SYN3: variants seen among roughly 807,000 people sequenced by gnomAD.
SYN3 encodes synapsin III, also known as synapsin-3.
SYN3 carries 35 observed loss-of-function variants against 65.8 expected under a neutral mutation model. That is an observed-to-expected ratio of 0.53 (90% CI 0.41 to 0.70). SYN3 has a LOEUF of 0.70. SYN3 is among the 30% of genes least tolerant of loss of function. The probability of loss-of-function intolerance (pLI) is 0.00; values close to 1 mark genes in which losing one functional copy is unlikely to be tolerated. For synonymous variants in SYN3, 270 were observed against 292.9 expected, an observed-to-expected ratio of 0.92 and a Z score of 0.80; for missense variants, 680 against 749.0, an observed-to-expected ratio of 0.91 and a Z score of 1.08.
chr22:32,708,792 A>T (rs993644692), intron 6 of SYN3, among the ~76,000 whole-genome samples: 1 of 152,244 alleles, frequency 6.6e-6, no homozygotes, highest in Non-Finnish European at 1.5e-5. Context: ...ACCTTTAAAA[A>T]GGAGCAAGAT....
chr22:32,553,516 C>G (rs2058446638), intron 7 of SYN3, among the ~76,000 whole-genome samples: 1 of 152,190 alleles, frequency 6.6e-6, no homozygotes, highest in Non-Finnish European at 1.5e-5. Context: ...AAATGGGTCT[C>G]ATTCTGTCTC....
At chr22:32,896,945 T>C (rs2049608854) in intron 4 of SYN3, among the ~76,000 whole-genome samples, 2 of 152,310 alleles carry the variant, frequency 1.3e-5, no homozygotes, top group Admixed American at 1.3e-4. Context: ...CCAGTGATGT[T>C]TGGTAACCTA....
intron 12 of SYN3, 22 bp downstream of exon 12, chr22:32,527,896 A>T (rs763813632): frequency 6.4e-7 from 1 of 1,574,002 alleles, no homozygotes; most frequent in Non-Finnish European, 8.6e-7. Flanking sequence ...GCTTTCTTGC[A>T]GTGGCTCGTC....
At chr22:32,591,216 G>A (rs997144065) in intron 7 of SYN3, among the ~76,000 whole-genome samples, 5 of 151,846 alleles carry the variant, frequency 3.3e-5, no homozygotes, top group East Asian at 1.9e-4. Flanking sequence ...TTCCAAAGAC[G>A]GAGACATATG....
At chr22:32,949,228 C>A (rs922780625) in intron 3 of SYN3, among the ~76,000 whole-genome samples, 2 of 151,954 alleles carry the variant, frequency 1.3e-5, no homozygotes, top group Non-Finnish European at 2.9e-5. Flanking sequence ...GCCTGTGTAA[C>A]AAGGTAAGAC....
intron 1 of SYN3, among the ~76,000 whole-genome samples, chr22:33,052,596 A>G (rs552182753): frequency 6.3e-4 from 96 of 151,678 alleles, no homozygotes; most frequent in Admixed American, 1.2e-3. Flanking sequence ...AAAAAAAAAA[A>G]AGAGAGAGAG....
chr22:32,699,065 C>T (rs899988468), intron 6 of SYN3, among the ~76,000 whole-genome samples: 5 of 152,202 alleles, frequency 3.3e-5, no homozygotes, highest in South Asian at 2.1e-4. Flanking sequence ...TCAGCCTTGG[C>T]GCTAGACGCT....
chr22:32,867,380 C>T (rs2048713756), intron 5 of SYN3, among the ~76,000 whole-genome samples: 1 of 152,168 alleles, frequency 6.6e-6, no homozygotes, highest in African/African-American at 2.4e-5. Context: ...CTGATTTGTT[C>T]ACTGCTATGT....
chr22:32,541,458 G>A (rs2058252819), intron 8 of SYN3, 113 bp downstream of exon 8: 2 of 1,321,926 alleles, frequency 1.5e-6, no homozygotes, highest in African/African-American at 2.9e-5. Context: ...GGGCAGTAAG[G>A]AGACAGGAAG....
intron 6 of SYN3, among the ~76,000 whole-genome samples, chr22:32,854,112 C>A (rs181422756): frequency 6.1e-4 from 93 of 152,308 alleles, no homozygotes; most frequent in Admixed American, 1.1e-3. Context: ...TGATTACAGA[C>A]ATGATACTTT....
rs865851768 is a variant in SYN3 at position 32,712,274 on chromosome 22, C to T, written c.712-115538G>A. Reference sequence around the variant, plus strand: ...CTGACTGTCTCAACTAATGTGGCTTCTGCTTCATGCACTCTTCCTAATATT... The same window carrying T: ...CTGACTGTCTCAACTAATGTGGCTTTTGCTTCATGCACTCTTCCTAATATT... On this transcript the variant is annotated intron_variant, in intron 6 of 13. Coordinates refer to ENST00000358763, the MANE Select transcript of SYN3 (RefSeq NM_003490.4). Among the ~76,000 whole-genome samples, 5 of 152,340 alleles carry T rather than the reference C, an allele frequency of 3.3e-5. No individual in the cohort carries two copies. The South Asian group carries it at 1.0e-3, about 32-fold the overall frequency.
At chr22:32,833,866 C>T in intron 6 of SYN3, 1 of 500,438 alleles carries the variant, frequency 2.0e-6, no homozygotes, top group Non-Finnish European at 4.0e-6. Context: ...TGGAAAGTGC[C>T]TGATAGCTGA....
chr22:32,712,364 G>T (rs180687029), intron 6 of SYN3, among the ~76,000 whole-genome samples: 59 of 152,256 alleles, frequency 3.9e-4, no homozygotes, highest in Admixed American at 2.8e-3. Context: ...TTCATTGTTT[G>T]CCTCCCCCAC....
At chr22:32,563,826 T>C (rs1406536408) in intron 7 of SYN3, among the ~76,000 whole-genome samples, 1 of 152,156 alleles carries the variant, frequency 6.6e-6, no homozygotes, top group Non-Finnish European at 1.5e-5. Context: ...TGCACCACCA[T>C]GCCTGGCTAA....
At chr22:32,878,378 C>T (rs2146399359) in intron 4 of SYN3, among the ~76,000 whole-genome samples, 1 of 152,320 alleles carries the variant, frequency 6.6e-6, no homozygotes, top group East Asian at 1.9e-4. Flanking sequence ...CCTACACTCT[C>T]CACTCCTCAT....
At chr22:33,004,304 C>G (rs2053143407) in intron 2 of SYN3, among the ~76,000 whole-genome samples, 1 of 152,322 alleles carries the variant, frequency 6.6e-6, no homozygotes, top group East Asian at 1.9e-4. Context: ...CACTGTGAGC[C>G]TGGAAAAGAC....
intron 4 of SYN3, among the ~76,000 whole-genome samples, chr22:32,902,388 A>G (rs16991497): frequency 0.04 from 6,104 of 152,252 alleles, 406 homozygotes; most frequent in African/African-American, 0.14. Flanking sequence ...CATGCCAAAG[A>G]TATTTTCTGG....
At chr22:32,600,906 C>T (rs1464899999) in intron 6 of SYN3, among the ~76,000 whole-genome samples, 4 of 152,082 alleles carry the variant, frequency 2.6e-5, no homozygotes, top group East Asian at 1.9e-4. Flanking sequence ...AGGCTGGTCC[C>T]GAACTCCTGA....
intron 6 of SYN3, among the ~76,000 whole-genome samples, chr22:32,604,177 T>A (rs922877875): frequency 1.3e-5 from 2 of 152,154 alleles, no homozygotes; most frequent in African/African-American, 4.8e-5. Flanking sequence ...ATTTAAATAG[T>A]CAGAGTCTGG....
Sources: allele counts gnomAD v4.1 joint callset (sites outside exome capture counted in the v4.1 genomes callset), GRCh38; gene constraint gnomAD v4.1.1; transcripts MANE v1.5; gene names NCBI Gene and HGNC (gene_info 2026-07-23, HGNC 2026-07-21).